The following OSBP2 variants were observed in gnomAD, a reference collection of about 807,000 sequenced individuals.
OSBP2 encodes oxysterol-binding protein 2.
Under a neutral mutation model 96.0 loss-of-function variants are expected in OSBP2, and 66 were observed. That is an observed-to-expected ratio of 0.69 (90% CI 0.56 to 0.84). The LOEUF (loss-of-function observed/expected upper bound fraction) is 0.84. Among genes scored for constraint, OSBP2 ranks in the 40% least tolerant of loss-of-function variants. The pLI, the probability that OSBP2 is intolerant of heterozygous loss-of-function variation, is 0.00. For missense variants in OSBP2, 1,038 were observed against 1,222.7 expected (o/e 0.85, Z 2.25); for synonymous variants, 525 against 520.9 (o/e 1.01, Z -0.11).
At chr22:30,753,429 C>CTG (rs2090102614) in intron 2 of OSBP2, among the ~76,000 whole-genome samples, 2 of 152,154 alleles carry the variant, frequency 1.3e-5, no homozygotes, top group African/African-American at 2.4e-5. Flanking sequence ...CATAGTCAGA[C>CTG]TGCAGCATCC....
chr22:30,750,049 C>T (rs2090054584), intron 2 of OSBP2, among the ~76,000 whole-genome samples: 1 of 152,208 alleles, frequency 6.6e-6, no homozygotes, highest in Admixed American at 6.5e-5. Flanking sequence ...AGGGCTGGGC[C>T]TGACGGTCCT....
intron 5 of OSBP2, 77 bp downstream of exon 5, chr22:30,888,417 G>C: frequency 3.3e-6 from 3 of 903,464 alleles, no homozygotes; most frequent in Non-Finnish European, 5.5e-6. Flanking sequence ...CAGCTATCTA[G>C]TTGTCTACTT....
At chr22:30,728,090 G>C (rs1487846157) in intron 1 of OSBP2, among the ~76,000 whole-genome samples, 1 of 151,130 alleles carries the variant, frequency 6.6e-6, no homozygotes, top group African/African-American at 2.4e-5. Context: ...GTGACAGAGA[G>C]AGACTGTCTC....
chr22:30,889,254 G>A lies in OSBP2; in HGVS notation c.1476+20G>A. 6.2e-7 allele frequency: 1 copy of A among 1,609,834 alleles called. No homozygotes were observed. Among genetic ancestry groups the A allele is most frequent in the South Asian group, 1.1e-5 (1 of 90,792 alleles). On this transcript the variant is annotated intron_variant, in intron 6 of 13. Transcript: ENST00000332585. ...GACAATGTAAGTGAGGGGGAGCACT[G>A]TAAGGGCCAGAAGGCAGCTTCTGGC...
At position 30,889,587 on chromosome 22, in the gene OSBP2, G is replaced by A. The variant is rs2039897395; in HGVS notation, c.1574G>A (p.Ser525Asn). 1 of 1,613,974 alleles carries A rather than the reference G, an allele frequency of 6.2e-7. No homozygotes were observed. The highest frequency in any genetic ancestry group is 1.7e-5 in the Admixed American group (1 of 60,006). The change falls in exon 7 of 14, where the codon AGC becomes AAC. Residue 525 changes from serine (S) to asparagine (N), a missense_variant. Around this residue, in one of 3 missense-constraint regions of OSBP2, gnomAD observed 737 missense variants for 913.3 expected, o/e 0.81. Transcript: ENST00000332585. ...CCCAACTACAGCCTTAACCTCTGGA[G>A]CATCATGAAGAACTGCATCGGCCGG... ...NKPNYSLNLW[S>N]IMKNCIGREL... is the part of the protein sequence containing the mutation.
intron 1 of OSBP2, among the ~76,000 whole-genome samples, chr22:30,735,725 T>C (rs940755216): frequency 1.3e-5 from 2 of 152,000 alleles, no homozygotes; most frequent in African/African-American, 4.8e-5. Flanking sequence ...TCTTCTTCTT[T>C]TTTTCTTTTA....
At chr22:30,755,949 G>A (rs551025973) in intron 2 of OSBP2, among the ~76,000 whole-genome samples, 100 of 152,270 alleles carry the variant, frequency 6.6e-4, no homozygotes, top group African/African-American at 2.3e-3. Context: ...TTCCCTGGTC[G>A]GCATGCTCTT....
intron 1 of OSBP2, among the ~76,000 whole-genome samples, chr22:30,723,872 G>A (rs2089597213): frequency 6.6e-6 from 1 of 152,132 alleles, no homozygotes; most frequent in Non-Finnish European, 1.5e-5. Flanking sequence ...TGTTACAGTG[G>A]ATGAACCCAC....
chr22:30,872,581 A>G (rs1163456488), intron 3 of OSBP2: 1 of 359,334 alleles, frequency 2.8e-6, no homozygotes, highest in Non-Finnish European at 5.5e-6. Flanking sequence ...TCCGGGGAAC[A>G]TGGCGGCAGA....
chr22:30,854,241 A>G (rs2039034346), intron 2 of OSBP2, among the ~76,000 whole-genome samples: 1 of 151,148 alleles, frequency 6.6e-6, no homozygotes, highest in African/African-American at 2.4e-5. Context: ...CCTGTTTTAC[A>G]CATGATGGAT....
chr22:30,822,131 C>T (rs1372086868), intron 2 of OSBP2, among the ~76,000 whole-genome samples: 4 of 152,252 alleles, frequency 2.6e-5, no homozygotes, highest in African/African-American at 7.2e-5. Flanking sequence ...ATGAGAGGGT[C>T]TCAGAGGTGA....
intron 3 of OSBP2, among the ~76,000 whole-genome samples, chr22:30,878,309 G>C (rs952280285): frequency 6.6e-6 from 1 of 152,260 alleles, no homozygotes; most frequent in South Asian, 2.1e-4. Context: ...CGAGGCAGGG[G>C]CAAGTGCTCG....
intron 2 of OSBP2, among the ~76,000 whole-genome samples, chr22:30,868,909 A>G (rs1469653471): frequency 1.3e-5 from 2 of 152,266 alleles, no homozygotes; most frequent in African/African-American, 4.8e-5. Flanking sequence ...TTTCAAAAAA[A>G]GTCTTATATC....
Position 30,888,224 on chromosome 22 carries a change from A to T in OSBP2, c.1302A>T (p.Gly434=). ...TTAAAGCTCTGTCTGTGTCTCTAGG[A>T]AGCCTCTTGACTCCCAAAGGAGAGG... ...PANPSKSFIE[G]SLLTPKGEDS... The change falls in exon 5 of 14, where the codon GGA becomes GGT. Residue 434 remains glycine, a splice_region_variant and synonymous_variant. Transcript: ENST00000332585. The T allele has an allele frequency of 1.9e-6, 3 of 1,592,194 alleles. No individual in the cohort carries two copies. Among genetic ancestry groups the T allele is most frequent in the Non-Finnish European group, 2.6e-6 (3 of 1,160,200 alleles).
Position 30,870,742 on chromosome 22 carries a change from T to A in OSBP2, c.1107+60T>A. 1 of 1,565,684 alleles carries A rather than the reference T, an allele frequency of 6.4e-7. No individual in the cohort carries two copies. Among genetic ancestry groups the A allele is most frequent in the Non-Finnish European group, 8.7e-7 (1 of 1,148,412 alleles). ...TCCCTGGCTCCAGCCCCGGGGTCCCTCGGTGGGTGACCAGGGTCAGCTTGA... is the reference window on the plus strand; with the variant it reads ...TCCCTGGCTCCAGCCCCGGGGTCCCACGGTGGGTGACCAGGGTCAGCTTGA... On this transcript the variant is annotated intron_variant, in intron 3 of 13. Coordinates refer to ENST00000332585, the MANE Select transcript of OSBP2 (RefSeq NM_030758.4). This position sits in a 1 kb window ranked among gnomAD's most constrained non-coding sequence, Gnocchi z 4.1.
upstream of OSBP2, chr22:30,693,880 G>A (rs1379085078): frequency 1.1e-5 from 6 of 570,996 alleles, no homozygotes; most frequent in East Asian, 3.0e-5. Context: ...CAGGAGAATC[G>A]CTTGAACCTG....
intron 12 of OSBP2, among the ~76,000 whole-genome samples, chr22:30,899,414 AAAAAG>A (rs1432365032): frequency 1.9e-4 from 29 of 151,970 alleles, no homozygotes; most frequent in Admixed American, 8.5e-4. Context: ...AAAAAAAAAA[AAAAAG>A]AAAAAGAACT....
chr22:30,905,134 C>CA (rs2040300189), intron 12 of OSBP2, among the ~76,000 whole-genome samples: 3 of 68,704 alleles, frequency 4.4e-5, no homozygotes, highest in Non-Finnish European at 8.0e-5. Context: ...CGAGACCCGT[C>CA]TTTTTTTTTT....
intron 8 of OSBP2, among the ~76,000 whole-genome samples, chr22:30,891,241 C>T (rs1314604740): frequency 6.6e-6 from 1 of 152,158 alleles, no homozygotes; most frequent in Non-Finnish European, 1.5e-5. Context: ...AGGATAAGCT[C>T]CAGTCCAGGG....
Sources: gnomAD v4.1 joint callset for allele counts (sites outside exome capture counted in the v4.1 genomes callset) on GRCh38, gnomAD v4.1.1 for gene constraint, gnomAD v4.1.1 regional missense constraint, Gnocchi (gnomAD v3.1) non-coding constraint, MANE v1.5 for transcripts, NCBI Gene and HGNC (gene_info 2026-07-23, HGNC 2026-07-21) for gene names.